Variants in SLC25A26 observed in about 807,000 individuals in gnomAD.
SLC25A26 encodes mitochondrial S-adenosylmethionine carrier protein.
In SLC25A26, 36 loss-of-function variants were observed where a neutral mutation model predicts 37.8. That is an observed-to-expected ratio of 0.95 (90% CI 0.73 to 1.26). SLC25A26 has a LOEUF of 1.26. SLC25A26 is among the 50% of genes most tolerant of loss of function. The pLI, the probability that SLC25A26 is intolerant of heterozygous loss-of-function variation, is 0.00. For synonymous variants in SLC25A26, 129 were observed against 122.5 expected (o/e 1.05, Z -0.35); for missense variants, 390 against 331.1 (o/e 1.18, Z -1.38).
At chr3:66,261,474 T>C (rs1369553352) in intron 3 of SLC25A26, 1 of 152,422 alleles carries the variant, frequency 6.6e-6, no homozygotes, top group Non-Finnish European at 1.5e-5. Flanking sequence ...GATATTAGAA[T>C]CATATATTGG....
At chr3:66,311,575 T>C (rs1021953047) in intron 5 of SLC25A26, among the ~76,000 whole-genome samples, 2 of 152,058 alleles carry the variant, frequency 1.3e-5, no homozygotes, top group African/African-American at 4.8e-5. Context: ...GGTATTCTGG[T>C]TTTTGGAGTT....
intron 5 of SLC25A26, among the ~76,000 whole-genome samples, chr3:66,342,494 A>C (rs115830824): frequency 6.6e-6 from 1 of 152,178 alleles, no homozygotes; most frequent in East Asian, 1.9e-4. Flanking sequence ...ATATCTTCAT[A>C]TCTCTTCAGT....
intron 1 of SLC25A26, among the ~76,000 whole-genome samples, chr3:66,223,465 G>A (rs1385127050): frequency 6.6e-6 from 1 of 152,182 alleles, no homozygotes; most frequent in Non-Finnish European, 1.5e-5. Context: ...TGTAATGGAA[G>A]CCATTGAAAT....
intron 5 of SLC25A26, among the ~76,000 whole-genome samples, chr3:66,282,955 A>G (rs1189754995): frequency 3.3e-5 from 5 of 152,180 alleles, no homozygotes; most frequent in South Asian, 2.1e-4. Flanking sequence ...TACAGCCTTT[A>G]CAGATTGCCT....
chr3:66,207,649 T>C lies in SLC25A26; in HGVS notation c.-353-13093T>C, dbSNP rs967125267. On this transcript the variant is annotated intron_variant, in intron 1 of 10. Transcript: ENST00000676754. Reference sequence around the variant, plus strand: ...ATAAATTTTAATGTAAACAAATGCATAGTTAAAACTAAATTATTTTCTCAT... The same window carrying C: ...ATAAATTTTAATGTAAACAAATGCACAGTTAAAACTAAATTATTTTCTCAT... 2.0e-5 allele frequency among the ~76,000 whole-genome samples: 3 copies of C among 152,252 alleles called. No individual in the cohort carries two copies. In the East Asian group the frequency reaches 5.8e-4, roughly 29 times the overall value.
At chr3:66,339,367 C>G (rs2076156411) in intron 5 of SLC25A26, among the ~76,000 whole-genome samples, 1 of 151,948 alleles carries the variant, frequency 6.6e-6, no homozygotes, top group South Asian at 2.1e-4. Context: ...CTGTGGCTTG[C>G]CTTTTTATTA....
chr3:66,187,253 C>G (rs2106779148), intron 1 of SLC25A26, among the ~76,000 whole-genome samples: 2 of 152,092 alleles, frequency 1.3e-5, no homozygotes, highest in South Asian at 4.2e-4. Flanking sequence ...TCACCTTCAC[C>G]TTGACCTTCA....
intron 1 of SLC25A26, among the ~76,000 whole-genome samples, chr3:66,213,819 A>G (rs2071320959): frequency 6.6e-6 from 1 of 152,092 alleles, no homozygotes; most frequent in African/African-American, 2.4e-5. Context: ...AGTCCTAACT[A>G]TTTGGGAGGC....
At chr3:66,176,452 T>C (rs2070587862) in intron 1 of SLC25A26, among the ~76,000 whole-genome samples, 1 of 152,168 alleles carries the variant, frequency 6.6e-6, no homozygotes, top group Non-Finnish European at 1.5e-5. Context: ...TCAGCTCTAA[T>C]ATAAATGCAG....
intron 1 of SLC25A26, among the ~76,000 whole-genome samples, chr3:66,175,121 A>ATATATATAT (rs1345732277): frequency 3.4e-5 from 3 of 89,334 alleles, no homozygotes; most frequent in African/African-American, 1.4e-4. Context: ...ATATATATAT[A>ATATATATAT]TATATATATA....
intron 5 of SLC25A26, among the ~76,000 whole-genome samples, chr3:66,297,352 T>C (rs1284515554): frequency 2.7e-5 from 4 of 149,304 alleles, no homozygotes; most frequent in Non-Finnish European, 5.9e-5. Context: ...AAAAAAAGAA[T>C]GTCTGGCATT....
chr3:66,161,950 GA>G (rs2070365414), intron 1 of SLC25A26, among the ~76,000 whole-genome samples: 1 of 152,190 alleles, frequency 6.6e-6, no homozygotes, highest in Admixed American at 6.5e-5. Context: ...TGGTCTCGGG[GA>G]ATTCATGGAA....
chr3:66,251,372 G>A (rs1440648981), intron 3 of SLC25A26, among the ~76,000 whole-genome samples: 1 of 152,168 alleles, frequency 6.6e-6, no homozygotes, highest in Non-Finnish European at 1.5e-5. Context: ...GTGGAAAGAT[G>A]ATCATTCTTT....
intron 5 of SLC25A26, among the ~76,000 whole-genome samples, chr3:66,288,912 A>G (rs1320859259): frequency 1.3e-5 from 2 of 152,320 alleles, no homozygotes; most frequent in South Asian, 4.1e-4. Flanking sequence ...ACTGTCTTCC[A>G]CAATGGTTGA....
chr3:66,366,285 G>A (rs332383), intron 7 of SLC25A26, among the ~76,000 whole-genome samples: 9,624 of 152,140 alleles, frequency 0.063, 381 homozygotes, highest in African/African-American at 0.11. Flanking sequence ...AGCTTACAGT[G>A]CCCTTAAATA....
At chr3:66,168,691 G>T (rs555145768) in intron 1 of SLC25A26, among the ~76,000 whole-genome samples, 3 of 152,340 alleles carry the variant, frequency 2.0e-5, no homozygotes, top group South Asian at 2.1e-4. Context: ...GACTGAGGCA[G>T]GATCTAAAAG....
At chr3:66,346,524 G>C (rs1303401177) in intron 6 of SLC25A26, 116 bp downstream of exon 6, 2 of 506,520 alleles carry the variant, frequency 3.9e-6, no homozygotes, top group Non-Finnish European at 6.8e-6. Flanking sequence ...AAACCTATTA[G>C]CAGTTGAAAA....
At chr3:66,302,285 A>G (rs370464459) in intron 5 of SLC25A26, among the ~76,000 whole-genome samples, 22 of 152,324 alleles carry the variant, frequency 1.4e-4, no homozygotes, top group African/African-American at 5.3e-4. Context: ...GCAAACTACA[A>G]GCTAACATGT....
At chr3:66,315,014 T>C (rs1393324763) in intron 5 of SLC25A26, among the ~76,000 whole-genome samples, 1 of 151,704 alleles carries the variant, frequency 6.6e-6, no homozygotes, top group African/African-American at 2.4e-5. Context: ...TCTTTTCTTC[T>C]TTATTAGTCT....
Sources: allele counts gnomAD v4.1 joint callset (sites outside exome capture counted in the v4.1 genomes callset), GRCh38; gene constraint gnomAD v4.1.1; transcripts MANE v1.5; gene names NCBI Gene and HGNC (gene_info 2026-07-23, HGNC 2026-07-21).